Variants in CCDC102B observed in about 807,000 individuals in gnomAD.
The protein encoded by CCDC102B is coiled-coil domain containing 102B, also known as coiled-coil domain-containing protein 102B.
A neutral mutation model predicts 57.4 loss-of-function variants in CCDC102B; 75 were observed. That is an observed-to-expected ratio of 1.31 (90% CI 1.08 to 1.58). CCDC102B has a LOEUF of 1.58. Among genes scored for constraint, CCDC102B ranks in the 40% most tolerant of loss-of-function variants. The pLI is 0.00. For missense variants in CCDC102B, 636 were observed against 582.6 expected, an observed-to-expected ratio of 1.09 and a Z score of -0.94; for synonymous variants, 206 against 201.9, an observed-to-expected ratio of 1.02 and a Z score of -0.17.
intron 3 of CCDC102B, among the ~76,000 whole-genome samples, chr18:68,844,576 G>A (rs1357895035): frequency 6.6e-6 from 1 of 151,636 alleles, no homozygotes; most frequent in Admixed American, 6.6e-5. Flanking sequence ...TAAATTCACA[G>A]GTCTAAGTCA....
intron 6 of CCDC102B, among the ~76,000 whole-genome samples, chr18:68,982,059 G>T (rs2050598952): frequency 1.3e-5 from 2 of 151,818 alleles, no homozygotes; most frequent in Admixed American, 1.3e-4. Flanking sequence ...TATTTTTGAG[G>T]ATGAGAAATG....
rs1235498277 is a variant in CCDC102B at position 68,857,242 on chromosome 18, A to ATATT, written c.936+10824_936+10825insTTAT. 1.4e-4 allele frequency among the ~76,000 whole-genome samples: 11 copies of ATATT among 81,004 alleles called. 1 individual carries two copies. The highest frequency in any genetic ancestry group is 2.4e-4 in the Non-Finnish European group (10 of 42,314). 53.1% of individuals were successfully genotyped at this position (81,004 alleles called of 152,430 possible). A position where few individuals can be genotyped will look rare whatever the true frequency, so the allele number is the denominator to read the frequency against. On this transcript the variant is annotated intron_variant, in intron 4 of 7. Coordinates refer to ENST00000360242, the MANE Select transcript of CCDC102B (RefSeq NM_024781.3). ...TATTTATATATTTTTATATATAAAT[A>ATATT]TATATTTATTATTTAAATATATAAA...
At chr18:68,794,203 G>C (rs936901401), upstream of CCDC102B, among the ~76,000 whole-genome samples, 3 of 152,064 alleles carry the variant, frequency 2.0e-5, no homozygotes, top group Admixed American at 6.6e-5. Context: ...TTCTCAATGT[G>C]TGGCTTGCAT....
At chr18:68,838,983 T>C (rs978922237) in intron 3 of CCDC102B, 57 bp downstream of exon 3, 7 of 1,328,938 alleles carry the variant, frequency 5.3e-6, no homozygotes, top group Non-Finnish European at 7.5e-6. Context: ...CACTTAAAAT[T>C]GTTAATACAG....
intron 6 of CCDC102B, among the ~76,000 whole-genome samples, chr18:68,991,933 A>G (rs1375619382): frequency 6.6e-6 from 1 of 152,226 alleles, no homozygotes; most frequent in Non-Finnish European, 1.5e-5. Flanking sequence ...AGATACCCTC[A>G]GGATAACACA....
chr18:69,011,318 T>A, intron 7 of CCDC102B: 1 of 501,846 alleles, frequency 2.0e-6, no homozygotes, highest in Non-Finnish European at 3.5e-6. Flanking sequence ...TTACGAGTGC[T>A]CTATAGTGTC....
chr18:68,796,394 T>A (rs1412404899), upstream of CCDC102B, among the ~76,000 whole-genome samples: 1 of 152,150 alleles, frequency 6.6e-6, no homozygotes, highest in Non-Finnish European at 1.5e-5. Flanking sequence ...GGAGAGATGA[T>A]GATTTCAGTT....
chr18:68,928,793 G>A (rs1010695935), intron 6 of CCDC102B, among the ~76,000 whole-genome samples: 1 of 151,862 alleles, frequency 6.6e-6, no homozygotes, highest in African/African-American at 2.4e-5. Flanking sequence ...TTTAAGTAGA[G>A]GAAAACTGCT....
chr18:69,006,206 A>G (rs1309350574), intron 6 of CCDC102B, among the ~76,000 whole-genome samples: 1 of 152,188 alleles, frequency 6.6e-6, no homozygotes, highest in Non-Finnish European at 1.5e-5. Context: ...TATAAAAGAT[A>G]CTGCGATTTT....
At chr18:68,865,501 A>G (rs186346189) in intron 4 of CCDC102B, among the ~76,000 whole-genome samples, 1 of 152,272 alleles carries the variant, frequency 6.6e-6, no homozygotes, top group East Asian at 1.9e-4. Flanking sequence ...TCACAGGAAT[A>G]GGTGTATATT....
At chr18:68,739,603 A>G (rs2033297757) in intron 2 of CCDC102B, among the ~76,000 whole-genome samples, 1 of 152,236 alleles carries the variant, frequency 6.6e-6, no homozygotes, top group Non-Finnish European at 1.5e-5. Flanking sequence ...TGTTTCTGAG[A>G]GTACACAATA....
Position 69,047,082 on chromosome 18 carries a change from C to T in CCDC102B, c.1435-6948C>T, listed in dbSNP as rs372806685. Among the ~76,000 whole-genome samples the T allele has an allele frequency of 3.3e-5, 5 of 152,140 alleles. No individual in the cohort carries two copies. In the East Asian group the frequency reaches 5.8e-4, roughly 18 times the overall value. ...TAGAATTGCCTTGGCTATTTGGGCTCTTTTTGCAGAGACACAACAACAGCA... is the reference window on the plus strand; with the variant it reads ...TAGAATTGCCTTGGCTATTTGGGCTTTTTTTGCAGAGACACAACAACAGCA... On this transcript the variant is annotated intron_variant, in intron 7 of 7. Coordinates refer to ENST00000360242, the MANE Select transcript of CCDC102B (RefSeq NM_024781.3).
intron 2 of CCDC102B, chr18:68,721,227 CAT>C (rs1272737126): frequency 6.6e-6 from 1 of 152,192 alleles, no homozygotes; most frequent in Non-Finnish European, 1.5e-5. Flanking sequence ...AACAAGAACA[CAT>C]ATCATTAGGG....
intron 7 of CCDC102B, among the ~76,000 whole-genome samples, chr18:69,015,002 TGAAA>T (rs1172691556): frequency 6.7e-6 from 1 of 150,048 alleles, no homozygotes; most frequent in East Asian, 2.0e-4. Flanking sequence ...TGTGTGTGTG[TGAAA>T]GAGAAAGAGA....
intron 6 of CCDC102B, among the ~76,000 whole-genome samples, chr18:68,988,789 G>A (rs1323328111): frequency 2.0e-5 from 3 of 152,188 alleles, no homozygotes; most frequent in Admixed American, 6.6e-5. Flanking sequence ...GGACTATAGA[G>A]ATAGTTTGGA....
intron 6 of CCDC102B, among the ~76,000 whole-genome samples, chr18:68,991,714 A>G (rs2050872587): frequency 6.6e-6 from 1 of 152,242 alleles, no homozygotes. Context: ...AGGATTAATC[A>G]TATTTGCAAT....
intron 3 of CCDC102B, among the ~76,000 whole-genome samples, chr18:68,843,936 G>C (rs2037743933): frequency 6.6e-6 from 1 of 151,158 alleles, no homozygotes; most frequent in African/African-American, 2.4e-5. Context: ...TGCTGGCAGA[G>C]ACACAAAAGT....
intron 6 of CCDC102B, among the ~76,000 whole-genome samples, chr18:68,995,815 C>A (rs1318231484): frequency 6.6e-6 from 1 of 152,230 alleles, no homozygotes; most frequent in East Asian, 1.9e-4. Context: ...ATCCTCCAGA[C>A]CCCAGAATGG....
chr18:68,804,464 T>A (rs1202620877), intron 1 of CCDC102B, among the ~76,000 whole-genome samples: 1 of 152,148 alleles, frequency 6.6e-6, no homozygotes, highest in Non-Finnish European at 1.5e-5. Flanking sequence ...GTCAAAGGCC[T>A]GGATGCCTTC....
Sources: allele counts gnomAD v4.1 joint callset (sites outside exome capture counted in the v4.1 genomes callset), GRCh38; gene constraint gnomAD v4.1.1; transcripts MANE v1.5; gene names NCBI Gene and HGNC (gene_info 2026-07-23, HGNC 2026-07-21).